Variants in GPR160 observed in about 807,000 individuals in gnomAD.
GPR160 encodes the protein G protein-coupled receptor 160.
Under a neutral mutation model 2.6 loss-of-function variants are expected in GPR160, and 2 were observed. The observed-to-expected ratio is 0.77, with a 90% confidence interval of 0.32 to 2.44. The LOEUF (loss-of-function observed/expected upper bound fraction) is 2.44. Ranked by LOEUF, GPR160 falls within the 30% of genes most tolerant of loss-of-function variation. The pLI, the probability that GPR160 is intolerant of heterozygous loss-of-function variation, is 0.11. For synonymous variants in GPR160, 130 were observed against 132.2 expected (o/e 0.98, Z 0.12); for missense variants, 351 against 383.6 (o/e 0.91, Z 0.71).
chr3:170,076,551 T>A (rs1209479355), intron 2 of GPR160, among the ~76,000 whole-genome samples: 3 of 152,046 alleles, frequency 2.0e-5, no homozygotes, highest in Non-Finnish European at 2.9e-5. Flanking sequence ...AATTATTATT[T>A]TTTTTTTGAG....
intron 2 of GPR160, among the ~76,000 whole-genome samples, chr3:170,063,628 C>G (rs1222589663): frequency 6.6e-6 from 1 of 150,674 alleles, no homozygotes; most frequent in Non-Finnish European, 1.5e-5. Context: ...CGAGTCTCCT[C>G]TCTCCGGTGG....
chr3:170,064,402 GA>G (rs1212564903), intron 2 of GPR160, among the ~76,000 whole-genome samples: 2 of 152,044 alleles, frequency 1.3e-5, no homozygotes, highest in Non-Finnish European at 2.9e-5. Flanking sequence ...GCAGGGCCGA[GA>G]CCCCCGGGAA....
intron 2 of GPR160, among the ~76,000 whole-genome samples, chr3:170,060,903 A>G (rs548937284): frequency 1.5e-3 from 236 of 152,354 alleles, no homozygotes; most frequent in Non-Finnish European, 3.0e-3. Context: ...CTTGCCAGAA[A>G]TGTTTAATAT....
intron 2 of GPR160, chr3:170,077,330 T>C (rs930723574): frequency 6.6e-6 from 1 of 152,180 alleles, no homozygotes; most frequent in Non-Finnish European, 1.5e-5. Context: ...CCTTTTTTTT[T>C]ACTTTCCAAC....
chr3:170,044,161 C>G (rs1373596480), intron 2 of GPR160, among the ~76,000 whole-genome samples: 1 of 151,778 alleles, frequency 6.6e-6, no homozygotes, highest in African/African-American at 2.4e-5. Flanking sequence ...CTCGTCTCTA[C>G]TAAAAATACA....
In GPR160 at chr3:170,053,746, CA is replaced by C. The variant is rs1373601439; in HGVS notation, c.-193+14704del. Among the ~76,000 whole-genome samples the C allele has an allele frequency of 2.6e-5, 4 of 152,220 alleles. No homozygotes were observed. In the South Asian group the frequency reaches 8.3e-4, roughly 32 times the overall value. Reference sequence around the variant, plus strand: ...TAGATTTTTCATAGATGTTCCTTATCAGGTTGAGGAAACCATCAGTTTCCTA... The same window carrying C: ...TAGATTTTTCATAGATGTTCCTTATCGGTTGAGGAAACCATCAGTTTCCTA... On this transcript the variant is annotated intron_variant, in intron 2 of 3. Coordinates refer to ENST00000355897, the MANE Select transcript of GPR160 (RefSeq NM_014373.3).
At chr3:170,059,297 TAATC>T (rs1269464520) in intron 2 of GPR160, among the ~76,000 whole-genome samples, 2 of 152,272 alleles carry the variant, frequency 1.3e-5, no homozygotes, top group African/African-American at 4.8e-5. Context: ...GAGAAACTAA[TAATC>T]AAAACACTAT....
intron 2 of GPR160, among the ~76,000 whole-genome samples, chr3:170,043,911 C>A (rs1716573846): frequency 6.6e-6 from 1 of 152,022 alleles, no homozygotes; most frequent in Non-Finnish European, 1.5e-5. Context: ...GGTAGTACAT[C>A]CCAGTCCCCT....
At chr3:170,064,104 G>T (rs1196283501) in intron 2 of GPR160, among the ~76,000 whole-genome samples, 2 of 152,074 alleles carry the variant, frequency 1.3e-5, no homozygotes, top group Non-Finnish European at 2.9e-5. Flanking sequence ...TTTTTTGGGG[G>T]GGGCATTGCT....
At chr3:170,083,737 T>C (rs1419575192) in intron 3 of GPR160, among the ~76,000 whole-genome samples, 168 bp from the exon 4 acceptor site, 1 of 152,214 alleles carries the variant, frequency 6.6e-6, no homozygotes, top group Admixed American at 6.5e-5. Flanking sequence ...GACCAGAGTA[T>C]ACACATTAAT....
chr3:170,042,513 A>G (rs2108306624), intron 2 of GPR160, among the ~76,000 whole-genome samples: 1 of 151,354 alleles, frequency 6.6e-6, no homozygotes, highest in South Asian at 2.1e-4. Context: ...ACATTTATCA[A>G]GAGTTCATTG....
chr3:170,084,085 T>G lies in GPR160; in HGVS notation c.113T>G (p.Leu38Ter). 1.3e-6 allele frequency: 2 copies of G among 1,590,464 alleles called. No homozygotes were observed. The highest frequency in any genetic ancestry group is 1.1e-5 in the South Asian group (1 of 87,894). ...LFLIILGKIL[L>*]NILTLGMRRK... ...TTGATCATACTTGGGAAAATATTAT[T>G]AAATATCCTTACACTAGGAATGAGA... The change falls in exon 4 of 4, where the codon TTA becomes TGA. Residue 38 changes from leucine (L) to a stop codon, truncating the protein, a stop_gained. Transcript: ENST00000355897. LOFTEE classifies it low-confidence loss of function (END_TRUNC).
intron 2 of GPR160, among the ~76,000 whole-genome samples, chr3:170,074,992 A>G (rs898357775): frequency 2.6e-5 from 4 of 152,122 alleles, no homozygotes; most frequent in African/African-American, 9.7e-5. Flanking sequence ...TTGGGAGGCC[A>G]AGGTGGGCAG....
chr3:170,084,723 AC>A lies in GPR160; in HGVS notation c.753del (p.Trp252GlyfsTer9). On this transcript the variant is annotated frameshift_variant, in exon 4 of 4. Transcript: ENST00000355897. LOFTEE classifies it high-confidence loss of function. ...CAAGCTCATTGTCTGTTTTCTCAGT[AC>A]CTGGTTACCATTTGTACTACTTCAG... ...LSKLIVCFLS[T>X]WLPFVLLQVI... The A allele has an allele frequency of 6.2e-7, 1 of 1,611,850 alleles. No individual in the cohort carries two copies. Among genetic ancestry groups the A allele is most frequent in the Non-Finnish European group, 8.5e-7 (1 of 1,178,266 alleles).
chr3:170,078,107 G>C lies in GPR160; in HGVS notation c.-192-1667G>C, dbSNP rs559390905. 3.9e-5 allele frequency: 6 copies of C among 152,268 alleles called. No homozygotes were observed. The South Asian group carries it at 1.2e-3, about 32-fold the overall frequency. The allele number at this position is 152,268 out of a possible 1,614,324, so 9.4% of individuals were successfully genotyped here. ...GCCTCAGTTTGAGGCCCAATTAAGGGACCTAATGCAAACTCTTGTTTTCCA... is the reference window on the plus strand; with the variant it reads ...GCCTCAGTTTGAGGCCCAATTAAGGCACCTAATGCAAACTCTTGTTTTCCA... On this transcript the variant is annotated intron_variant, in intron 2 of 3. Transcript: ENST00000355897.
chr3:170,080,480 GTCT>G (rs1454734763), intron 3 of GPR160, among the ~76,000 whole-genome samples: 2 of 152,058 alleles, frequency 1.3e-5, no homozygotes, highest in Non-Finnish European at 2.9e-5. Flanking sequence ...TGTCGGACTT[GTCT>G]TCTTTATTCC....
intron 2 of GPR160, among the ~76,000 whole-genome samples, chr3:170,078,778 G>A (rs1712987139): frequency 6.6e-6 from 1 of 152,164 alleles, no homozygotes; most frequent in South Asian, 2.1e-4. Context: ...ACCTGGCACT[G>A]CACACATCTG....
At chr3:170,043,084 T>C (rs572395620) in intron 2 of GPR160, among the ~76,000 whole-genome samples, 16 of 152,116 alleles carry the variant, frequency 1.1e-4, no homozygotes, top group Admixed American at 5.9e-4. Flanking sequence ...GGTTTCGCCA[T>C]GTTAGCCAGG....
intron 2 of GPR160, among the ~76,000 whole-genome samples, chr3:170,053,533 G>A (rs1717047330): frequency 6.6e-6 from 1 of 151,990 alleles, no homozygotes; most frequent in Non-Finnish European, 1.5e-5. Flanking sequence ...ATACATAAAT[G>A]CCATCTACAA....
Sources: gnomAD v4.1 joint callset for allele counts (sites outside exome capture counted in the v4.1 genomes callset) on GRCh38, gnomAD v4.1.1 for gene constraint, MANE v1.5 for transcripts, NCBI Gene and HGNC (gene_info 2026-07-23, HGNC 2026-07-21) for gene names.